The following RANBP3L variants were observed in gnomAD, a reference collection of about 807,000 sequenced individuals.
RANBP3L encodes the protein ran-binding protein 3-like.
RANBP3L carries 56 observed loss-of-function variants against 67.2 expected under a neutral mutation model. The ratio of observed to expected loss-of-function variants is 0.83; its 90% CI spans 0.67 to 1.04. The LOEUF (loss-of-function observed/expected upper bound fraction) is 1.04. Ranked by LOEUF, RANBP3L falls within the 50% of genes least tolerant of loss-of-function variation. The pLI is 0.00. For missense variants in RANBP3L, 496 were observed against 535.5 expected, an observed-to-expected ratio of 0.93 and a Z score of 0.73; for synonymous variants, 164 against 181.4, an observed-to-expected ratio of 0.90 and a Z score of 0.77.
At chr5:36,260,584 C>T (rs1481610148) in intron 8 of RANBP3L, among the ~76,000 whole-genome samples, 196 bp downstream of exon 8, 2 of 152,130 alleles carry the variant, frequency 1.3e-5, no homozygotes, top group Non-Finnish European at 2.9e-5. Context: ...TTCCCTTCCT[C>T]TGTGGGTTTC....
intron 2 of RANBP3L, 26 bp downstream of exon 2, chr5:36,271,227 T>C (rs1376108698): frequency 7.8e-7 from 1 of 1,282,628 alleles, no homozygotes; most frequent in Admixed American, 1.7e-5. Flanking sequence ...CAAAGTAAAA[T>C]TGAACAAAGA....
intron 1 of RANBP3L, among the ~76,000 whole-genome samples, chr5:36,273,989 T>C (rs942304475): frequency 6.6e-6 from 1 of 152,134 alleles, no homozygotes; most frequent in Non-Finnish European, 1.5e-5. Context: ...ACTCTTCAAA[T>C]AGAGGAAAAG....
chr5:36,257,403 C>A, intron 9 of RANBP3L, 51 bp downstream of exon 9: 1 of 744,348 alleles, frequency 1.3e-6, no homozygotes, highest in South Asian at 2.0e-5. Flanking sequence ...AAATAAAAAA[C>A]AGGAGACAAA....
At chr5:36,253,569 A>G (rs143883254) in intron 12 of RANBP3L, 78 bp downstream of exon 12, 2 of 1,211,528 alleles carry the variant, frequency 1.7e-6, no homozygotes, top group African/African-American at 3.0e-5. Flanking sequence ...ATTATACCTA[A>G]TGAAAAAACA....
intron 1 of RANBP3L, among the ~76,000 whole-genome samples, chr5:36,295,197 T>A (rs1752116953): frequency 6.6e-6 from 1 of 152,186 alleles, no homozygotes; most frequent in East Asian, 1.9e-4. Context: ...TTTGAGGAAC[T>A]GCGTGATATG....
At chr5:36,267,871 A>G (rs1749921685) in intron 4 of RANBP3L, among the ~76,000 whole-genome samples, 1 of 152,206 alleles carries the variant, frequency 6.6e-6, no homozygotes, top group Admixed American at 6.5e-5. Flanking sequence ...TACATTATAA[A>G]CTATGTAGAT....
chr5:36,287,660 G>A (rs990767118), intron 1 of RANBP3L, among the ~76,000 whole-genome samples: 1 of 152,094 alleles, frequency 6.6e-6, no homozygotes, highest in African/African-American at 2.4e-5. Flanking sequence ...TTGACAAAAA[G>A]AGTTAGTGTC....
chr5:36,280,570 C>T (rs1750902898), intron 1 of RANBP3L, among the ~76,000 whole-genome samples: 1 of 152,118 alleles, frequency 6.6e-6, no homozygotes, highest in African/African-American at 2.4e-5. Context: ...GCAGATCACC[C>T]TATCAATCAA....
intron 1 of RANBP3L, among the ~76,000 whole-genome samples, chr5:36,272,790 A>G (rs1750315926): frequency 1.3e-5 from 2 of 152,084 alleles, no homozygotes; most frequent in South Asian, 2.1e-4. Context: ...GATTACAGGC[A>G]TGTGTCATTA....
intron 12 of RANBP3L, 114 bp from the exon 13 acceptor site, chr5:36,251,613 T>C (rs1748602917): frequency 1.5e-6 from 1 of 688,166 alleles, no homozygotes; most frequent in Non-Finnish European, 2.2e-6. Context: ...AAATCTACAG[T>C]GTACATAGGT....
chr5:36,292,096 A>G (rs1431052654), intron 1 of RANBP3L, among the ~76,000 whole-genome samples: 2 of 149,288 alleles, frequency 1.3e-5, no homozygotes, highest in Non-Finnish European at 3.0e-5. Context: ...TGCCATTCTA[A>G]CTGGTGTGAG....
At chr5:36,270,760 C>A (rs1448896995) in intron 2 of RANBP3L, among the ~76,000 whole-genome samples, 2 of 152,210 alleles carry the variant, frequency 1.3e-5, no homozygotes, top group Non-Finnish European at 2.9e-5. Context: ...GGCCTCGAAA[C>A]ATGCGGGGAT....
intron 1 of RANBP3L, among the ~76,000 whole-genome samples, chr5:36,290,988 C>A (rs980155816): frequency 6.6e-6 from 1 of 150,944 alleles, no homozygotes; most frequent in Non-Finnish European, 1.5e-5. Context: ...TCATGATCCA[C>A]CTGCCTCAGC....
chr5:36,295,995 TA>T (rs2112157903), intron 1 of RANBP3L, among the ~76,000 whole-genome samples: 1 of 152,152 alleles, frequency 6.6e-6, no homozygotes, highest in East Asian at 1.9e-4. Context: ...GAAACCTCAT[TA>T]AAAACCCTGG....
At chr5:36,299,405 T>C (rs1399577907) in intron 1 of RANBP3L, among the ~76,000 whole-genome samples, 2 of 151,638 alleles carry the variant, frequency 1.3e-5, no homozygotes, top group Non-Finnish European at 1.5e-5. Context: ...AGAACTTTGA[T>C]TAATACAGCC....
chr5:36,254,168 A>G (rs1748799503), intron 11 of RANBP3L, among the ~76,000 whole-genome samples: 1 of 151,828 alleles, frequency 6.6e-6, no homozygotes, highest in Non-Finnish European at 1.5e-5. Context: ...ATTCAAGAGA[A>G]TATTATGAAC....
In RANBP3L at chr5:36,281,985, T is replaced by G. The variant is rs1333491857; in HGVS notation, c.92-10674A>C. 2.6e-5 allele frequency among the ~76,000 whole-genome samples: 4 copies of G among 152,322 alleles called. No homozygotes were observed. The East Asian group carries it at 7.7e-4, about 29-fold the overall frequency. ...TAGGAGCAAATGTGGGACTTCTGGATTGATAATGACAGAAAGAACTGTTTG... is the reference window on the plus strand; with the variant it reads ...TAGGAGCAAATGTGGGACTTCTGGAGTGATAATGACAGAAAGAACTGTTTG... On this transcript the variant is annotated intron_variant, in intron 1 of 13. Coordinates refer to ENST00000296604, the MANE Select transcript of RANBP3L (RefSeq NM_145000.5).
At position 36,265,018 on chromosome 5, in the gene RANBP3L, T is replaced by C. The variant is rs1180375219; in HGVS notation, c.421A>G (p.Lys141Glu). The change falls in exon 6 of 14, where the codon AAA (lysine) becomes GAA (glutamate). Residue 141 changes from lysine (K) to glutamate (E), a missense_variant. By Grantham distance (56) the Lys-to-Glu change is moderately conservative (BLOSUM62 1). Coordinates refer to ENST00000296604, the MANE Select transcript of RANBP3L (RefSeq NM_145000.5). ...TCCAGTGCCTTGTGTCCAAATGTTT[T>C]TCTTACTTTTGCACAACTTCGAGCT... ...PQARSCAKVR[K>E]TFGHKALESC... The C allele has an allele frequency of 6.2e-7, 1 of 1,613,850 alleles. No homozygotes were observed. The highest frequency in any genetic ancestry group is 8.5e-7 in the Non-Finnish European group (1 of 1,179,772).
At chr5:36,259,991 A>G (rs551657155) in intron 8 of RANBP3L, among the ~76,000 whole-genome samples, 1 of 152,224 alleles carries the variant, frequency 6.6e-6, no homozygotes, top group South Asian at 2.1e-4. Flanking sequence ...AGCACTATGA[A>G]TTTTCTCTGA....
Sources: gnomAD v4.1 joint callset for allele counts (sites outside exome capture counted in the v4.1 genomes callset) on GRCh38, gnomAD v4.1.1 for gene constraint, MANE v1.5 for transcripts, NCBI Gene and HGNC (gene_info 2026-07-23, HGNC 2026-07-21) for gene names.